L2HGDH: variants seen among roughly 807,000 people sequenced by gnomAD.
L2HGDH encodes the protein L-2-hydroxyglutarate dehydrogenase, also known as L-2-hydroxyglutarate dehydrogenase, mitochondrial.
In L2HGDH, 34 loss-of-function variants were observed where a neutral mutation model predicts 51.5. That is an observed-to-expected ratio of 0.66 (90% CI 0.50 to 0.88). The LOEUF is 0.88. Ranked by LOEUF, L2HGDH falls within the 40% of genes least tolerant of loss-of-function variation. L2HGDH has a pLI of 0.00. For missense variants in L2HGDH, 558 were observed against 571.9 expected, an observed-to-expected ratio of 0.98 and a Z score of 0.25; for synonymous variants, 198 against 197.9, an observed-to-expected ratio of 1.00 and a Z score of -0.01.
intron 1 of L2HGDH, among the ~76,000 whole-genome samples, chr14:50,307,077 A>G (rs1023983347): frequency 1.3e-5 from 2 of 152,000 alleles, no homozygotes; most frequent in African/African-American, 4.8e-5. Flanking sequence ...CGGCCTCCCA[A>G]AATGCTGGGA....
chr14:50,277,197 T>C (rs931940899), intron 6 of L2HGDH, among the ~76,000 whole-genome samples: 2 of 134,660 alleles, frequency 1.5e-5, no homozygotes, highest in South Asian at 2.6e-4. Context: ...AAGTAGACTG[T>C]TTTTTTTTTG....
At chr14:50,261,113 T>A (rs1007340926) in intron 9 of L2HGDH, among the ~76,000 whole-genome samples, 11 of 149,998 alleles carry the variant, frequency 7.3e-5, no homozygotes, top group Admixed American at 4.6e-4. Flanking sequence ...TGAGACTCCG[T>A]CTAAAAAAAA....
rs1391302922 is a variant in L2HGDH at position 50,312,074 on chromosome 14, G to A, written c.77C>T (p.Ala26Val). 4 of 1,601,976 alleles carry A rather than the reference G, an allele frequency of 2.5e-6. No homozygotes were observed. The highest frequency in any genetic ancestry group is 1.3e-5 in the African/African-American group (1 of 74,796). Residue 26 changes from alanine (A) to valine (V), a missense_variant, in exon 1 of 10, where the codon GCG (alanine) becomes GTG (valine). Physicochemically the swap from Ala to Val is moderately conservative, Grantham distance 64. This residue lies in a region of L2HGDH where 194 missense variants were observed against 187.2 expected (regional missense o/e 1.04). Coordinates refer to ENST00000267436, the MANE Select transcript of L2HGDH (RefSeq NM_024884.3). ...TGGCCTCCCAGACGCGAACCCGCACGCCCCAGGGGAGCCACCGGCGAAAAG... is the reference window on the plus strand; with the variant it reads ...TGGCCTCCCAGACGCGAACCCGCACACCCCAGGGGAGCCACCGGCGAAAAG... Reference protein sequence around the residue: ...RGLFAGGSPGACGFASGRPRP... With the variant: ...RGLFAGGSPGVCGFASGRPRP...
chr14:50,263,922 T>C (rs1232810387), intron 9 of L2HGDH, among the ~76,000 whole-genome samples: 1 of 151,472 alleles, frequency 6.6e-6, no homozygotes, highest in Admixed American at 6.6e-5. Context: ...ATTACAGGCA[T>C]GTGCCACCAT....
chr14:50,300,345 A>C (rs994665993), intron 3 of L2HGDH, among the ~76,000 whole-genome samples: 2 of 152,058 alleles, frequency 1.3e-5, no homozygotes, highest in African/African-American at 2.4e-5. Context: ...CCCAGGCTGG[A>C]ATTCAGTGGT....
intron 9 of L2HGDH, among the ~76,000 whole-genome samples, chr14:50,259,315 T>G (rs1042704792): frequency 6.6e-6 from 1 of 151,094 alleles, no homozygotes; most frequent in African/African-American, 2.4e-5. Flanking sequence ...GCATACCACT[T>G]CACTTCAATG....
At chr14:50,300,820 A>G (rs2030365766) in intron 3 of L2HGDH, among the ~76,000 whole-genome samples, 1 of 151,844 alleles carries the variant, frequency 6.6e-6, no homozygotes, top group South Asian at 2.1e-4. Flanking sequence ...ATAAAGTTAA[A>G]AAATAATAAT....
intron 4 of L2HGDH, among the ~76,000 whole-genome samples, chr14:50,285,835 T>C (rs1890535917): frequency 6.6e-6 from 1 of 152,212 alleles, no homozygotes; most frequent in African/African-American, 2.4e-5. Context: ...TTCCAGACCT[T>C]CCCTAGAAGG....
chr14:50,266,061 G>A (rs756283613), intron 8 of L2HGDH, among the ~76,000 whole-genome samples: 7 of 151,410 alleles, frequency 4.6e-5, no homozygotes, highest in Non-Finnish European at 7.4e-5. Context: ...TGGGAGGCTC[G>A]CTTAAGCCCA....
At chr14:50,284,754 G>GTT (rs1890471705) in intron 4 of L2HGDH, among the ~76,000 whole-genome samples, 1 of 152,110 alleles carries the variant, frequency 6.6e-6, no homozygotes, top group Non-Finnish European at 1.5e-5. Context: ...TTCCCCAAGA[G>GTT]GGTAGCCTGG....
chr14:50,274,129 A>G (rs1016396189), intron 6 of L2HGDH, among the ~76,000 whole-genome samples: 2 of 146,272 alleles, frequency 1.4e-5, no homozygotes, highest in African/African-American at 2.5e-5. Flanking sequence ...AAATGGGCAA[A>G]GAAGCCGGGC....
intron 6 of L2HGDH, among the ~76,000 whole-genome samples, chr14:50,273,168 C>T (rs944892369): frequency 1.3e-5 from 2 of 152,210 alleles, no homozygotes; most frequent in African/African-American, 4.8e-5. Flanking sequence ...GAATGGACCA[C>T]TCCAAAACAG....
chr14:50,252,582 A>G (rs1361879081), intron 9 of L2HGDH, among the ~76,000 whole-genome samples: 1 of 152,136 alleles, frequency 6.6e-6, no homozygotes, highest in Non-Finnish European at 1.5e-5. Flanking sequence ...AGGGATGGAA[A>G]AAGATATTCC....
chr14:50,306,095 G>A (rs2030707818), intron 1 of L2HGDH, among the ~76,000 whole-genome samples: 1 of 151,122 alleles, frequency 6.6e-6, no homozygotes, highest in Admixed American at 6.6e-5. Context: ...TCTGTCGCCA[G>A]GCTGGAGTGC....
chr14:50,244,698 C>T lies in L2HGDH; in HGVS notation c.*2360G>A, dbSNP rs1249912667. On this transcript the variant is annotated 3_prime_UTR_variant, in exon 10 of 10. Transcript: ENST00000267436. ...TAAACATGAGCTGATGAAGTGTAGC[C>T]TTTCAAATTAATGGATGAGGTAGCT... 7.1e-6 allele frequency: 7 copies of T among 985,272 alleles called. No homozygotes were observed. In the African/African-American group the frequency reaches 1.2e-4, roughly 17 times the overall value. 61.0% of individuals were successfully genotyped at this position (985,272 alleles called of 1,614,324 possible).
rs912562094 is a variant in L2HGDH, at chr14:50,284,108, A to C, written c.541-75T>G. The C allele has an allele frequency of 2.7e-6, 4 of 1,459,596 alleles. No individual in the cohort carries two copies. The African/African-American group carries it at 5.6e-5, about 21-fold the overall frequency. 90.4% of individuals were successfully genotyped at this position (1,459,596 alleles called of 1,614,324 possible). ...AAATAACAAAATCTCTATAATCAAGAAACAATTTTGTCCTTTAGAGGAGTT... is the reference window on the plus strand; with the variant it reads ...AAATAACAAAATCTCTATAATCAAGCAACAATTTTGTCCTTTAGAGGAGTT... On this transcript the variant is annotated intron_variant, in intron 4 of 9. Coordinates refer to ENST00000267436, the MANE Select transcript of L2HGDH (RefSeq NM_024884.3).
intron 8 of L2HGDH, among the ~76,000 whole-genome samples, chr14:50,267,346 C>T (rs1489572758): frequency 6.6e-6 from 1 of 152,032 alleles, no homozygotes; most frequent in East Asian, 1.9e-4. Flanking sequence ...CCACGCCTAG[C>T]TAATTTTTTG....
intron 6 of L2HGDH, among the ~76,000 whole-genome samples, chr14:50,273,882 C>T (rs1889828376): frequency 6.6e-6 from 1 of 152,088 alleles, no homozygotes; most frequent in Admixed American, 6.6e-5. Context: ...AGTTCAAAAC[C>T]AGCCCGACCA....
intron 9 of L2HGDH, among the ~76,000 whole-genome samples, chr14:50,253,318 G>A (rs988924812): frequency 1.1e-4 from 17 of 152,058 alleles, no homozygotes; most frequent in Non-Finnish European, 2.4e-4. Flanking sequence ...TATACAAGAA[G>A]CTCAAACAAC....
Sources: allele counts gnomAD v4.1 joint callset (sites outside exome capture counted in the v4.1 genomes callset), GRCh38; gene constraint gnomAD v4.1.1; regional missense constraint gnomAD v4.1.1; transcripts MANE v1.5; gene names NCBI Gene and HGNC (gene_info 2026-07-23, HGNC 2026-07-21).